The following FAM222B variants were observed in gnomAD, a reference collection of about 807,000 sequenced individuals.
FAM222B encodes the protein protein FAM222B.
In FAM222B, 12 loss-of-function variants were observed where a neutral mutation model predicts 38.0. That is an observed-to-expected ratio of 0.32 (90% CI 0.20 to 0.51). The LOEUF is 0.51. Ranked by LOEUF, FAM222B falls within the 20% of genes least tolerant of loss-of-function variation. The probability of loss-of-function intolerance (pLI) is 0.97; values close to 1 mark genes in which losing one functional copy is unlikely to be tolerated. For synonymous variants in FAM222B, 329 were observed against 317.2 expected (o/e 1.04, Z -0.40); for missense variants, 716 against 754.2 (o/e 0.95, Z 0.59).
At chr17:28,853,614 G>A (rs1156925347) in intron 1 of FAM222B, among the ~76,000 whole-genome samples, 1 of 152,172 alleles carries the variant, frequency 6.6e-6, no homozygotes. Flanking sequence ...TTGTATTTTT[G>A]TTGCTATTGT....
At chr17:28,796,843 T>C (rs570937298) in intron 1 of FAM222B, among the ~76,000 whole-genome samples, 2 of 152,240 alleles carry the variant, frequency 1.3e-5, no homozygotes, top group African/African-American at 2.4e-5. Context: ...GTTATAACTA[T>C]TATTTGCTAA....
chr17:28,820,478 C>T (rs1598014719), intron 1 of FAM222B, among the ~76,000 whole-genome samples: 1 of 152,252 alleles, frequency 6.6e-6, no homozygotes, highest in East Asian at 1.9e-4. Flanking sequence ...AATGTTTTTT[C>T]AGTGTCTTTT....
intron 1 of FAM222B, among the ~76,000 whole-genome samples, chr17:28,834,514 C>T (rs1443203306): frequency 1.3e-5 from 2 of 152,152 alleles, no homozygotes; most frequent in African/African-American, 4.8e-5. Context: ...CAAACAGTAA[C>T]TTTTCCAATC....
intron 2 of FAM222B, among the ~76,000 whole-genome samples, chr17:28,765,252 G>T (rs966809307): frequency 1.3e-5 from 2 of 152,200 alleles, no homozygotes; most frequent in African/African-American, 4.8e-5. Flanking sequence ...TTCTGATGAT[G>T]TTCTCACATG....
chr17:28,758,166 G>GATCA lies in FAM222B; in HGVS notation c.*100_*103dup. 1 of 1,011,324 alleles carries GATCA rather than the reference G, an allele frequency of 9.9e-7. No individual in the cohort carries two copies. The highest frequency in any genetic ancestry group is 2.9e-5 in the Admixed American group (1 of 34,596). The allele number at this position is 1,011,324 out of a possible 1,614,324, so 62.6% of individuals were successfully genotyped here. A position where few individuals can be genotyped will look rare whatever the true frequency, so the allele number is the denominator to read the frequency against. ...TTCCCTTTCTTAGACATCTAAGAAT[G>GATCA]ATCACACTGGAGCAGTGAAACTTTG... On this transcript the variant is annotated 3_prime_UTR_variant, in exon 3 of 3. Transcript: ENST00000581407.
Position 28,764,522 on chromosome 17 carries a change from G to C in FAM222B, c.82+2064C>G, listed in dbSNP as rs547642922. Among the ~76,000 whole-genome samples, 4 of 152,212 alleles carry C rather than the reference G, an allele frequency of 2.6e-5. No homozygotes were observed. In the South Asian group the frequency reaches 8.3e-4, roughly 32 times the overall value. On this transcript the variant is annotated intron_variant, in intron 2 of 2. Transcript: ENST00000581407. Reference sequence around the variant, plus strand: ...CCAGCACTTTGAGAGGCCGAGGCAGGCGGATCACCTGAAGTCGGGAGTTCG... The same window carrying C: ...CCAGCACTTTGAGAGGCCGAGGCAGCCGGATCACCTGAAGTCGGGAGTTCG...
chr17:28,803,435 A>G (rs1173502671), intron 1 of FAM222B, among the ~76,000 whole-genome samples: 3 of 152,064 alleles, frequency 2.0e-5, no homozygotes, highest in South Asian at 2.1e-4. Flanking sequence ...CCTCCCAAGT[A>G]GCTGGGAGTA....
chr17:28,758,624 G>T lies in FAM222B; in HGVS notation c.1335C>A (p.Pro445=), dbSNP rs1361779716. Residue 445 remains proline (P), a synonymous_variant, in exon 3 of 3, where the codon CCC becomes CCA. Transcript: ENST00000581407. ...ACAGGGGTTGGAAGTAGTGACCATT[G>T]GGGTAGGCCAATGGGGCTGCCATGC... The part of the protein sequence containing the change: ...VNGMAAPLAY[P]NGHYFQPLWN... 6.2e-7 allele frequency: 1 copy of T among 1,611,746 alleles called. No homozygotes were observed.
intron 1 of FAM222B, among the ~76,000 whole-genome samples, chr17:28,797,326 A>T (rs535644233): frequency 1.6e-4 from 25 of 152,106 alleles, no homozygotes; most frequent in Non-Finnish European, 3.1e-4. Context: ...GAGATGATGA[A>T]GATCTCAAAT....
intron 2 of FAM222B, among the ~76,000 whole-genome samples, chr17:28,761,757 G>A (rs1033225939): frequency 6.6e-6 from 1 of 152,118 alleles, no homozygotes; most frequent in African/African-American, 2.4e-5. Context: ...CCCAAAACAG[G>A]TCTGTGCTTT....
chr17:28,789,529 C>T (rs985252828), intron 1 of FAM222B, among the ~76,000 whole-genome samples: 1 of 152,122 alleles, frequency 6.6e-6, no homozygotes, highest in Admixed American at 6.6e-5. Context: ...TTTGGGACCT[C>T]CCTTACCAAC....
intron 1 of FAM222B, among the ~76,000 whole-genome samples, chr17:28,829,008 C>T (rs1336327769): frequency 6.6e-6 from 1 of 151,842 alleles, no homozygotes; most frequent in African/African-American, 2.4e-5. Context: ...CGGGTTCAAG[C>T]GACTGTCCTG....
chr17:28,818,529 C>T (rs887152723), intron 1 of FAM222B, among the ~76,000 whole-genome samples: 1 of 145,118 alleles, frequency 6.9e-6, no homozygotes, highest in African/African-American at 2.6e-5. Context: ...AGCGAGAGTC[C>T]GTCTCAAAAA....
intron 1 of FAM222B, among the ~76,000 whole-genome samples, chr17:28,771,558 G>A (rs1376330293): frequency 6.6e-6 from 1 of 151,924 alleles, no homozygotes; most frequent in African/African-American, 2.4e-5. Context: ...ATGGGCACCT[G>A]TAATCCTAGC....
intron 1 of FAM222B, among the ~76,000 whole-genome samples, chr17:28,772,340 C>T (rs2035673013): frequency 6.6e-6 from 1 of 152,032 alleles, no homozygotes; most frequent in Admixed American, 6.6e-5. Context: ...ATCCTGATAC[C>T]TGCAACCAAG....
chr17:28,804,725 T>C (rs1349474758), intron 1 of FAM222B, among the ~76,000 whole-genome samples: 6 of 152,066 alleles, frequency 3.9e-5, no homozygotes, highest in African/African-American at 7.2e-5. Flanking sequence ...AGTACTGAGT[T>C]ATATACTACT....
chr17:28,831,504 C>CTTTTT (rs35692613), intron 1 of FAM222B, among the ~76,000 whole-genome samples: 23 of 110,878 alleles, frequency 2.1e-4, no homozygotes, highest in Non-Finnish European at 2.4e-4. Context: ...TTGTCAAAGG[C>CTTTTT]TTTTTTTTTT....
intron 1 of FAM222B, among the ~76,000 whole-genome samples, chr17:28,820,494 TGA>T (rs1401309084): frequency 6.6e-6 from 1 of 152,182 alleles, no homozygotes; most frequent in Admixed American, 6.5e-5. Flanking sequence ...CTTTTGTGTG[TGA>T]GTGTTTCTAT....
At chr17:28,852,820 G>A (rs2039191853) in intron 1 of FAM222B, among the ~76,000 whole-genome samples, 1 of 152,100 alleles carries the variant, frequency 6.6e-6, no homozygotes, top group African/African-American at 2.4e-5. Flanking sequence ...CACTTGGGGA[G>A]GCCAAGGCAG....
Sources: allele counts gnomAD v4.1 joint callset (sites outside exome capture counted in the v4.1 genomes callset), GRCh38; gene constraint gnomAD v4.1.1; transcripts MANE v1.5; gene names NCBI Gene and HGNC (gene_info 2026-07-23, HGNC 2026-07-21).